Variants in OLFM4 observed in about 807,000 individuals in gnomAD.
OLFM4 encodes olfactomedin-4.
OLFM4 carries 22 observed loss-of-function variants against 25.5 expected under a neutral mutation model. The ratio of observed to expected loss-of-function variants is 0.86; its 90% CI spans 0.62 to 1.23. The LOEUF is 1.23. Among genes scored for constraint, OLFM4 ranks in the 50% most tolerant of loss-of-function variants. OLFM4 has a pLI of 0.00. For synonymous variants in OLFM4, 255 were observed against 237.7 expected, an observed-to-expected ratio of 1.07 and a Z score of -0.67; for missense variants, 594 against 619.4, an observed-to-expected ratio of 0.96 and a Z score of 0.44.
chr13:53,043,956 T>C (rs957035136), intron 4 of OLFM4, among the ~76,000 whole-genome samples: 18 of 152,148 alleles, frequency 1.2e-4, no homozygotes, highest in Admixed American at 5.2e-4. Flanking sequence ...AATATACCCA[T>C]GAACAGAGGC....
intron 2 of OLFM4, 110 bp from the exon 3 acceptor site, chr13:53,041,798 AAC>A: frequency 2.9e-6 from 2 of 689,436 alleles, no homozygotes; most frequent in Non-Finnish European, 5.0e-6. Flanking sequence ...TTATTTACAA[AAC>A]ACAATGATTG....
At chr13:53,049,928 C>T in intron 4 of OLFM4, 41 bp from the exon 5 acceptor site, 1 of 1,533,724 alleles carries the variant, frequency 6.5e-7, no homozygotes, top group Non-Finnish European at 8.8e-7. Context: ...CCTGTCATTC[C>T]TTTTCTCTAA....
Position 53,042,075 on chromosome 13 carries a change from G to A in OLFM4, c.523G>A (p.Glu175Lys). The A allele has an allele frequency of 6.2e-7, 1 of 1,614,054 alleles. No individual in the cohort carries two copies. Among genetic ancestry groups the A allele is most frequent in the Non-Finnish European group, 8.5e-7 (1 of 1,179,960 alleles). ...GGAAAAACTGGTCATACAGCTGAAGGAGAGTTTTGGTGGAAGCTCAGAAAT... is the reference window on the plus strand; with the variant it reads ...GGAAAAACTGGTCATACAGCTGAAGAAGAGTTTTGGTGGAAGCTCAGAAAT... ...EMEKLVIQLK[E>K]SFGGSSEIVD... The change falls in exon 3 of 5, where the codon GAG becomes AAG. Residue 175 changes from glutamate (E) to lysine (K), a missense_variant. Coordinates refer to ENST00000219022, the MANE Select transcript of OLFM4 (RefSeq NM_006418.5).
intron 2 of OLFM4, among the ~76,000 whole-genome samples, chr13:53,041,665 A>G (rs546250020): frequency 4.2e-4 from 64 of 152,352 alleles, no homozygotes; most frequent in Middle Eastern, 6.8e-3. Context: ...GCAAATGATG[A>G]TGCTGAAGCA....
In OLFM4 at chr13:53,039,817, C is replaced by T. The variant is rs1039360402; in HGVS notation, c.358-2093C>T. ...CCAATGGCAGTGAGCATCAGTTGCC[C>T]GAGGAGATACACTAGCAGTGCCAAG... On this transcript the variant is annotated intron_variant, in intron 2 of 4. Transcript: ENST00000219022. Among the ~76,000 whole-genome samples, 6 of 152,222 alleles carry T rather than the reference C, an allele frequency of 3.9e-5. No individual in the cohort carries two copies. In the South Asian group the frequency reaches 8.3e-4, roughly 21 times the overall value.
intron 3 of OLFM4, 114 bp downstream of exon 3, chr13:53,042,236 G>C (rs1424762842): frequency 1.2e-5 from 10 of 869,396 alleles, no homozygotes; most frequent in Non-Finnish European, 3.7e-6. Flanking sequence ...ATTCTCTACT[G>C]TCTCATGGCC....
intron 1 of OLFM4, among the ~76,000 whole-genome samples, chr13:53,033,294 C>A (rs1034883664): frequency 1.3e-5 from 2 of 152,018 alleles, no homozygotes; most frequent in Non-Finnish European, 2.9e-5. Context: ...TGGAAAAAAA[C>A]TTTTATTAAA....
In OLFM4 at chr13:53,039,543, G is replaced by A. The variant is rs1000996147; in HGVS notation, c.358-2367G>A. On this transcript the variant is annotated intron_variant, in intron 2 of 4. Coordinates refer to ENST00000219022, the MANE Select transcript of OLFM4 (RefSeq NM_006418.5). ...AAACAATACAACAATGATTTATATA[G>A]CATTTACATTGTTTTAGGTATTATA... is the stretch of plus-strand genomic sequence containing the variant. 7.4e-4 allele frequency among the ~76,000 whole-genome samples: 112 copies of A among 152,150 alleles called. 1 individual carries two copies. The highest frequency in any genetic ancestry group is 1.3e-4 in the Non-Finnish European group (9 of 68,032).
rs376335925 is a variant in OLFM4 at position 53,028,912 on chromosome 13, G to C, written c.76G>C (p.Gly26Arg). The change falls in exon 1 of 5, where the codon GGA (glycine) becomes CGA (arginine). Residue 26 changes from glycine (G) to arginine (R), a missense_variant. Physicochemically the swap from Gly to Arg is moderately radical, Grantham distance 125 (BLOSUM62 -2). Coordinates refer to ENST00000219022, the MANE Select transcript of OLFM4 (RefSeq NM_006418.5). The part of the protein sequence containing the change: ...GQAAGDLGDV[G>R]PPIPSPGFSS... ...AGCTGCAGGGGATTTGGGGGATGTG[G>C]GACCTCCAATTCCCAGCCCCGGCTT... 1 of 1,614,104 alleles carries C rather than the reference G, an allele frequency of 6.2e-7. No homozygotes were observed. The highest frequency in any genetic ancestry group is 8.5e-7 in the Non-Finnish European group (1 of 1,180,040).
Position 53,042,013 on chromosome 13 carries a change from T to C in OLFM4, c.461T>C (p.Leu154Pro). Residue 154 changes from leucine to proline, a missense_variant, in exon 3 of 5, where the codon CTG (leucine) becomes CCG (proline). By Grantham distance (98) the Leu-to-Pro change is moderately conservative. Coordinates refer to ENST00000219022, the MANE Select transcript of OLFM4 (RefSeq NM_006418.5). Reference sequence around the variant, plus strand: ...AAGGATACCATTTCTTACACTGAACTGGACTTCGAGCTGATCAAGGTAGAA... The same window carrying C: ...AAGGATACCATTTCTTACACTGAACCGGACTTCGAGCTGATCAAGGTAGAA... The part of the protein sequence containing the change: ...MEKDTISYTE[L>P]DFELIKVEVK... The C allele has an allele frequency of 6.2e-7, 1 of 1,614,060 alleles. No homozygotes were observed. Among genetic ancestry groups the C allele is most frequent in the Non-Finnish European group, 8.5e-7 (1 of 1,179,942 alleles).
intron 4 of OLFM4, among the ~76,000 whole-genome samples, chr13:53,045,692 G>A (rs1288672022): frequency 6.6e-6 from 1 of 152,108 alleles, no homozygotes; most frequent in Non-Finnish European, 1.5e-5. Flanking sequence ...CTCCCTTATA[G>A]CTACAGTTTG....
intron 4 of OLFM4, among the ~76,000 whole-genome samples, chr13:53,048,293 G>A (rs1230247779): frequency 6.6e-6 from 1 of 152,126 alleles, no homozygotes; most frequent in African/African-American, 2.4e-5. Flanking sequence ...AATGGCACAT[G>A]CATTATTAAA....
At chr13:53,043,313 CT>C in intron 4 of OLFM4, 49 bp downstream of exon 4, 3 of 1,432,702 alleles carry the variant, frequency 2.1e-6, no homozygotes, top group Non-Finnish European at 2.8e-6. Context: ...CCATAAGGAG[CT>C]GTGAGTGGGG....
In OLFM4 at chr13:53,051,868, T is replaced by A. The variant is rs1215116923; in HGVS notation, c.*1097T>A. The A allele has an allele frequency of 6.6e-6, 1 of 152,130 alleles. No homozygotes were observed. The highest frequency in any genetic ancestry group is 1.5e-5 in the Non-Finnish European group (1 of 68,036). The allele number at this position is 152,130 out of a possible 1,614,324, so 9.4% of individuals were successfully genotyped here. A position where few individuals can be genotyped will look rare whatever the true frequency, so the allele number is the denominator to read the frequency against. ...AGCTATAGAAAAGCTATTGAGAGTA[T>A]CTAGTTAATCAGTGCAGTAGTTGGA... On this transcript the variant is annotated 3_prime_UTR_variant, in exon 5 of 5. Transcript: ENST00000219022.
At chr13:53,035,151 C>T (rs952458634) in intron 2 of OLFM4, among the ~76,000 whole-genome samples, 3 of 151,316 alleles carry the variant, frequency 2.0e-5, no homozygotes, top group Non-Finnish European at 4.4e-5. Flanking sequence ...TCTCATCCTC[C>T]TCCCTCCCTC....
chr13:53,030,983 C>T (rs1468524702), intron 1 of OLFM4, among the ~76,000 whole-genome samples: 3 of 152,120 alleles, frequency 2.0e-5, no homozygotes, highest in Non-Finnish European at 4.4e-5. Flanking sequence ...TATTATGAAG[C>T]TCCATCACCA....
At chr13:53,030,137 T>C (rs1847140720) in intron 1 of OLFM4, among the ~76,000 whole-genome samples, 1 of 152,232 alleles carries the variant, frequency 6.6e-6, no homozygotes, top group Non-Finnish European at 1.5e-5. Context: ...AAAAGACTTT[T>C]ATTTGTTTTA....
Position 53,033,766 on chromosome 13 carries a change from A to G in OLFM4, c.205-582A>G, listed in dbSNP as rs953454403. 3.3e-5 allele frequency among the ~76,000 whole-genome samples: 5 copies of G among 152,156 alleles called. 1 individual carries two copies. Among genetic ancestry groups the G allele is most frequent in the African/African-American group, 1.2e-4 (5 of 41,436 alleles). Reference sequence around the variant, plus strand: ...CATAGAGATAGGAATAATCTCCTTTAAGACTCCAGAATGGCCGGGCGCGGT... The same window carrying G: ...CATAGAGATAGGAATAATCTCCTTTGAGACTCCAGAATGGCCGGGCGCGGT... On this transcript the variant is annotated intron_variant, in intron 1 of 4. Transcript: ENST00000219022.
At chr13:53,041,877 G>A in intron 2 of OLFM4, 33 bp from the exon 3 acceptor site, 2 of 1,513,528 alleles carry the variant, frequency 1.3e-6, no homozygotes, top group Non-Finnish European at 1.8e-6. Context: ...TACTACTCAG[G>A]GAATTGGCTT....
Sources: gnomAD v4.1 joint callset for allele counts (sites outside exome capture counted in the v4.1 genomes callset) on GRCh38, gnomAD v4.1.1 for gene constraint, MANE v1.5 for transcripts, NCBI Gene and HGNC (gene_info 2026-07-23, HGNC 2026-07-21) for gene names.